LMBRD1: variants seen among roughly 807,000 people sequenced by gnomAD.
LMBRD1 encodes LMBR1 domain containing 1.
In LMBRD1, 64 loss-of-function variants were observed where a neutral mutation model predicts 74.8. The observed-to-expected ratio is 0.86, with a 90% CI of 0.70 to 1.05. LMBRD1 has a LOEUF of 1.05. Among genes scored for constraint, LMBRD1 ranks in the 50% least tolerant of loss-of-function variants. LMBRD1 has a pLI of 0.00. For missense variants in LMBRD1, 652 were observed against 645.9 expected, an observed-to-expected ratio of 1.01 and a Z score of -0.10; for synonymous variants, 204 against 216.3, an observed-to-expected ratio of 0.94 and a Z score of 0.50.
At chr6:69,795,940 A>C (rs552814687) in intron 1 of LMBRD1, among the ~76,000 whole-genome samples, 2 of 152,380 alleles carry the variant, frequency 1.3e-5, no homozygotes, top group South Asian at 2.1e-4. Flanking sequence ...AGGTCAAAAT[A>C]CGTGAGAACA....
intron 8 of LMBRD1, among the ~76,000 whole-genome samples, chr6:69,714,664 GCAGATACACA>G (rs1171159171): frequency 2.0e-5 from 3 of 152,084 alleles, no homozygotes; most frequent in Admixed American, 1.3e-4. Flanking sequence ...TAGGTTCCTA[GCAGATACACA>G]ACATATTGCT....
chr6:69,787,808 T>C (rs548298156), intron 2 of LMBRD1, among the ~76,000 whole-genome samples: 1 of 152,350 alleles, frequency 6.6e-6, no homozygotes, highest in South Asian at 2.1e-4. Flanking sequence ...TTTTAACAGA[T>C]ATTTTCCCCT....
At chr6:69,711,894 T>C (rs1441593827) in intron 9 of LMBRD1, among the ~76,000 whole-genome samples, 3 of 152,086 alleles carry the variant, frequency 2.0e-5, no homozygotes, top group African/African-American at 7.2e-5. Context: ...ATAGGTAAAC[T>C]TGCGTCATGG....
At chr6:69,749,273 C>CTTTTTTTTTTTTTTTTTTTTTTTTTT in intron 5 of LMBRD1, 68 bp downstream of exon 5, 1 of 1,237,270 alleles carries the variant, frequency 8.1e-7, no homozygotes, top group African/African-American at 1.7e-5. Context: ...CTGAATGATC[C>CTTTTTTTTTTTTTTTTTTTTTTTTTT]TTTTATTTTT....
intron 3 of LMBRD1, among the ~76,000 whole-genome samples, chr6:69,762,634 T>C (rs757331049): frequency 2.0e-5 from 3 of 152,128 alleles, no homozygotes; most frequent in Non-Finnish European, 2.9e-5. Context: ...GTAAAATCCA[T>C]GTGTTGAAAC....
At chr6:69,719,215 T>A in intron 7 of LMBRD1, 134 bp from the exon 8 acceptor site, 1 of 742,026 alleles carries the variant, frequency 1.3e-6, no homozygotes, top group Non-Finnish European at 2.2e-6. Flanking sequence ...AAACATGGTA[T>A]ATGGGAGTGA....
chr6:69,777,705 G>A (rs1207165356), intron 3 of LMBRD1, among the ~76,000 whole-genome samples: 2 of 152,064 alleles, frequency 1.3e-5, no homozygotes, highest in African/African-American at 4.8e-5. Context: ...GGGAGAGAGG[G>A]CATTCATGAA....
At chr6:69,732,548 A>C (rs1766882342) in intron 7 of LMBRD1, among the ~76,000 whole-genome samples, 1 of 152,156 alleles carries the variant, frequency 6.6e-6, no homozygotes, top group African/African-American at 2.4e-5. Context: ...AGGCAAACCA[A>C]CATTTGATGG....
intron 1 of LMBRD1, among the ~76,000 whole-genome samples, chr6:69,796,103 A>G (rs1357876951): frequency 2.0e-5 from 3 of 152,230 alleles, no homozygotes; most frequent in Non-Finnish European, 4.4e-5. Flanking sequence ...ATTTCTATCT[A>G]CACTTTGCTC....
intron 3 of LMBRD1, among the ~76,000 whole-genome samples, chr6:69,771,013 AG>A (rs1208043989): frequency 6.6e-6 from 1 of 152,234 alleles, no homozygotes; most frequent in Non-Finnish European, 1.5e-5. Context: ...GAAATGTTCA[AG>A]GAACATTAAT....
chr6:69,744,790 C>T (rs926798624), intron 5 of LMBRD1, among the ~76,000 whole-genome samples: 1 of 152,150 alleles, frequency 6.6e-6, no homozygotes, highest in Non-Finnish European at 1.5e-5. Context: ...TTACATACCA[C>T]TTCTCCAACC....
chr6:69,792,260 C>A (rs549171197), intron 1 of LMBRD1, among the ~76,000 whole-genome samples: 1 of 152,322 alleles, frequency 6.6e-6, no homozygotes, highest in South Asian at 2.1e-4. Flanking sequence ...CTTCTCATGA[C>A]AGTGTCAAGA....
intron 3 of LMBRD1, among the ~76,000 whole-genome samples, chr6:69,759,113 C>G (rs1303490981): frequency 6.6e-6 from 1 of 152,052 alleles, no homozygotes; most frequent in Non-Finnish European, 1.5e-5. Context: ...AGGTAAGAAG[C>G]AAAAGTTTTG....
At position 69,703,578 on chromosome 6, in the gene LMBRD1, T is replaced by A. The variant is rs192123888; in HGVS notation, c.916-1625A>T. 3.1e-3 allele frequency among the ~76,000 whole-genome samples: 466 copies of A among 151,918 alleles called. 3 individuals are homozygous for A. The highest frequency in any genetic ancestry group is 0.011 in the African/African-American group (442 of 41,492). ...GACTTAACAGAACACAGAACAAATG[T>A]AAAAAATACAAATATTTTATAAAGA... On this transcript the variant is annotated intron_variant, in intron 9 of 15. Transcript: ENST00000649934.
chr6:69,678,769 A>G (rs1247151166), intron 14 of LMBRD1, among the ~76,000 whole-genome samples: 3 of 152,056 alleles, frequency 2.0e-5, no homozygotes, highest in Non-Finnish European at 4.4e-5. Flanking sequence ...TTTTCTCTCA[A>G]AACATAAAAT....
At chr6:69,778,912 G>T (rs1027690284) in intron 3 of LMBRD1, among the ~76,000 whole-genome samples, 3 of 152,152 alleles carry the variant, frequency 2.0e-5, no homozygotes, top group Non-Finnish European at 2.9e-5. Context: ...ATGGGGCAGG[G>T]CACGGTGCCT....
rs538560927 is a variant in LMBRD1 at position 69,772,736 on chromosome 6, T to C, written c.307+7758A>G. Among the ~76,000 whole-genome samples, 6 of 152,290 alleles carry C rather than the reference T, an allele frequency of 3.9e-5. No individual in the cohort carries two copies. The East Asian group carries it at 5.8e-4, about 15-fold the overall frequency. ...TTTTGAATCAAACAAATCTAAAAAT[T>C]AGTCTCAGTCTTTCTATCTTGTCTG... On this transcript the variant is annotated intron_variant, in intron 3 of 15. Transcript: ENST00000649934.
intron 9 of LMBRD1, among the ~76,000 whole-genome samples, chr6:69,707,694 T>TTATGGACA (rs1766290428): frequency 6.6e-6 from 1 of 152,188 alleles, no homozygotes; most frequent in South Asian, 2.1e-4. Context: ...TTTGTTGATA[T>TTATGGACA]TATGGACATA....
At chr6:69,677,496 C>T (rs1415473979) in intron 14 of LMBRD1, among the ~76,000 whole-genome samples, 1 of 151,924 alleles carries the variant, frequency 6.6e-6, no homozygotes, top group African/African-American at 2.4e-5. Flanking sequence ...CTATGGTCTG[C>T]CTTGGGAGAG....
Sources: allele counts gnomAD v4.1 joint callset (sites outside exome capture counted in the v4.1 genomes callset), GRCh38; gene constraint gnomAD v4.1.1; transcripts MANE v1.5; gene names NCBI Gene and HGNC (gene_info 2026-07-23, HGNC 2026-07-21).